Variants in USF3 observed in about 807,000 individuals in gnomAD.
USF3 encodes upstream transcription factor family member 3.
In USF3, 29 loss-of-function variants were observed where a neutral mutation model predicts 157.5. The observed-to-expected ratio is 0.18, with a 90% CI of 0.14 to 0.25. USF3 has a LOEUF of 0.25. USF3 is among the 10% of genes least tolerant of loss of function. The pLI is 1.00. For synonymous variants in USF3, 893 were observed against 941.4 expected (o/e 0.95, Z 0.94); for missense variants, 2,381 against 2,667.6 (o/e 0.89, Z 2.37).
rs774974137 is a variant in USF3, at chr3:113,659,341, T to C, written c.2341A>G (p.Met781Val). The C allele has an allele frequency of 1.5e-5, 24 of 1,614,120 alleles. No individual in the cohort carries two copies. In the Middle Eastern group the frequency reaches 6.6e-4, roughly 44 times the overall value. The change falls in exon 7 of 7, where the codon ATG (methionine) becomes GTG (valine). Residue 781 changes from methionine to valine, a missense_variant. Physicochemically the swap from Met to Val is conservative, Grantham distance 21. Coordinates refer to ENST00000316407, the MANE Select transcript of USF3 (RefSeq NM_001009899.4). ...STYNLVSTSS[M>V]NTVACLPNMK... ...TTAGGCAAACAAGCAACAGTGTTCA[T>C]TGAGGAAGTACTCACTAGATTATAA...
chr3:113,688,526 G>A (rs1170428881), intron 1 of USF3, among the ~76,000 whole-genome samples: 2 of 152,172 alleles, frequency 1.3e-5, no homozygotes, highest in Non-Finnish European at 2.9e-5. Context: ...ACCAGAATTC[G>A]TTTCCAGAGA....
chr3:113,684,204 C>T (rs1707498269), intron 1 of USF3, among the ~76,000 whole-genome samples: 1 of 152,176 alleles, frequency 6.6e-6, no homozygotes, highest in Non-Finnish European at 1.5e-5. Context: ...AAGGTTTCCA[C>T]TGAGAAATCT....
At position 113,651,172 on chromosome 3, in the gene USF3, GATCA is replaced by G. The variant is rs1247593878; in HGVS notation, c.*3768_*3771del. 1.3e-5 allele frequency: 2 copies of G among 152,152 alleles called. No homozygotes were observed. The highest frequency in any genetic ancestry group is 2.9e-5 in the Non-Finnish European group (2 of 68,034). 9.4% of individuals were successfully genotyped at this position (152,152 alleles called of 1,614,324 possible). On this transcript the variant is annotated 3_prime_UTR_variant, in exon 7 of 7. Transcript: ENST00000316407. ...AACCACTTTTTATAACGGACTCTGT[GATCA>G]ATAATGCTAAAAAAGAGACAGAGAA...
rs1947246924 is a variant in USF3 at position 113,650,695 on chromosome 3, A to C, written c.*4249T>G. ...ATGTTAGAAGGCAAGAGCAAGGCAA[A>C]TAAATTATCTTTAAAATACTTAAAT... On this transcript the variant is annotated 3_prime_UTR_variant, in exon 7 of 7. Coordinates refer to ENST00000316407, the MANE Select transcript of USF3 (RefSeq NM_001009899.4). The C allele has an allele frequency of 6.6e-6, 1 of 152,246 alleles. No individual in the cohort carries two copies. Among genetic ancestry groups the C allele is most frequent in the Non-Finnish European group, 1.5e-5 (1 of 68,042 alleles). The allele number at this position is 152,246 out of a possible 1,614,324, so 9.4% of individuals were successfully genotyped here.
At chr3:113,687,755 C>T (rs1292622815) in intron 1 of USF3, among the ~76,000 whole-genome samples, 1 of 152,196 alleles carries the variant, frequency 6.6e-6, no homozygotes, top group African/African-American at 2.4e-5. Context: ...CTCCACTCCT[C>T]ATAGTTCTTT....
In USF3 at chr3:113,648,578, T is replaced by C. The variant is rs534757360; in HGVS notation, c.*6366A>G. On this transcript the variant is annotated 3_prime_UTR_variant, in exon 7 of 7. Transcript: ENST00000316407. The stretch of plus-strand genomic sequence containing the variant: ...AAAAGATGTCAAAATAAACAGGACC[T>C]ATTCTTATTTACAACTGTAGGACAA... 1 of 152,728 alleles carries C rather than the reference T, an allele frequency of 6.5e-6. No individual in the cohort carries two copies. The highest frequency in any genetic ancestry group is 1.5e-5 in the Non-Finnish European group (1 of 68,016). 9.5% of individuals were successfully genotyped at this position (152,728 alleles called of 1,614,324 possible).
chr3:113,676,262 C>T (rs140106448), intron 2 of USF3, among the ~76,000 whole-genome samples: 1 of 152,164 alleles, frequency 6.6e-6, no homozygotes, highest in Admixed American at 6.5e-5. Flanking sequence ...ACTCCCAGTA[C>T]CAATTTACTG....
At chr3:113,694,909 G>C (rs1214680944) in intron 1 of USF3, among the ~76,000 whole-genome samples, 1 of 152,146 alleles carries the variant, frequency 6.6e-6, no homozygotes, top group African/African-American at 2.4e-5. Context: ...AGCTGGGCTG[G>C]TGGCATGCAC....
intron 1 of USF3, among the ~76,000 whole-genome samples, chr3:113,680,048 G>GTTTTATT (rs1330691890): frequency 1.4e-5 from 1 of 70,368 alleles, no homozygotes; most frequent in Non-Finnish European, 3.2e-5. Flanking sequence ...TTGGCCTGTA[G>GTTTTATT]TTTTCTTTTT....
intron 1 of USF3, among the ~76,000 whole-genome samples, chr3:113,679,974 GCT>G (rs1459551602): frequency 6.8e-6 from 1 of 146,718 alleles, no homozygotes; most frequent in East Asian, 2.0e-4. Flanking sequence ...ACAGAGTTTC[GCT>G]CTTTTTGCCC....
At position 113,657,297 on chromosome 3, in the gene USF3, TG is replaced by T. The variant is rs747331094; in HGVS notation, c.4384del (p.Gln1462SerfsTer21). 2 of 1,609,886 alleles carry T rather than the reference TG, an allele frequency of 1.2e-6. No individual in the cohort carries two copies. The highest frequency in any genetic ancestry group is 1.7e-5 in the Admixed American group (1 of 59,386). ...HLHSNHLYIK[Q>X]QQQQQQQQQQ... ...CTGCTGCTGCTGCTGCTGCTGCTGC[TG>T]CTTTATGTAGAGATGGTTACTATGA... On this transcript the variant is annotated frameshift_variant, in exon 7 of 7. Coordinates refer to ENST00000316407, the MANE Select transcript of USF3 (RefSeq NM_001009899.4). LOFTEE classifies it high-confidence loss of function.
chr3:113,664,961 T>G (rs2107931529), intron 5 of USF3, among the ~76,000 whole-genome samples: 1 of 152,330 alleles, frequency 6.6e-6, no homozygotes, highest in South Asian at 2.1e-4. Flanking sequence ...GTGAATTGGC[T>G]GGCACTTGAT....
In USF3 at chr3:113,657,772, T is replaced by A; in HGVS notation, c.3910A>T (p.Thr1304Ser). The A allele has an allele frequency of 1.2e-6, 2 of 1,614,104 alleles. No homozygotes were observed. The highest frequency in any genetic ancestry group is 1.7e-6 in the Non-Finnish European group (2 of 1,180,000). ...ATCTGTGAATTTGGTATGGTACTAG[T>A]CATAGTATTTAGCTGTTCTTGGGAA... ...EYSQEQLNTM[T>S]STIPNSQIQE... The change falls in exon 7 of 7, where the codon ACT becomes TCT. Residue 1304 changes from threonine (T) to serine (S), a missense_variant. Around this residue, in one of 6 missense-constraint regions of USF3, gnomAD observed 1,435 missense variants for 1,550.9 expected, o/e 0.93. Transcript: ENST00000316407.
At chr3:113,662,374 C>T (rs886405668) in intron 6 of USF3, among the ~76,000 whole-genome samples, 2 of 152,138 alleles carry the variant, frequency 1.3e-5, no homozygotes, top group Non-Finnish European at 2.9e-5. Flanking sequence ...CCTATGAGTA[C>T]CACTAATGGG....
chr3:113,659,125 C>G lies in USF3; in HGVS notation c.2557G>C (p.Val853Leu). 2.5e-6 allele frequency: 4 copies of G among 1,614,186 alleles called. No homozygotes were observed. Among genetic ancestry groups the G allele is most frequent in the Non-Finnish European group, 2.5e-6 (3 of 1,180,044 alleles). Residue 853 changes from valine to leucine, a missense_variant, in exon 7 of 7, where the codon GTG (valine) becomes CTG (leucine). Val to Leu is a conservative substitution (Grantham distance 32). This residue lies in a region of USF3 where 1,435 missense variants were observed against 1,550.9 expected (regional missense o/e 0.93). Coordinates refer to ENST00000316407, the MANE Select transcript of USF3 (RefSeq NM_001009899.4). ...ACACTCACACTATTTGCCTGAGACA[C>G]AGAGACAGATGGTAACACAGCAGGG... ...SFPAVLPSVSVSQANSVSVSA... is the reference protein window; with the variant it reads ...SFPAVLPSVSLSQANSVSVSA...
Position 113,657,535 on chromosome 3 carries a change from A to T in USF3, c.4147T>A (p.Ser1383Thr), listed in dbSNP as rs756525891. The T allele has an allele frequency of 3.1e-6, 5 of 1,613,972 alleles. No homozygotes were observed. Among genetic ancestry groups the T allele is most frequent in the African/African-American group, 1.3e-5 (1 of 74,870 alleles). The change falls in exon 7 of 7, where the codon TCA becomes ACA. Residue 1383 changes from serine (S) to threonine (T), a missense_variant. Transcript: ENST00000316407. Reference protein sequence around the residue: ...MMVSQIPPNSSNSVVPVSNPA... With the variant: ...MMVSQIPPNSTNSVVPVSNPA... ...TTGCTAACAGGCACAACTGAGTTTG[A>T]AGAATTAGGAGGGATCTGACTGACC... is the stretch of plus-strand genomic sequence containing the variant.
chr3:113,657,362 G>A lies in USF3; in HGVS notation c.4320C>T (p.Ala1440=). 1 of 1,614,022 alleles carries A rather than the reference G, an allele frequency of 6.2e-7. No individual in the cohort carries two copies. Among genetic ancestry groups the A allele is most frequent in the Non-Finnish European group, 8.5e-7 (1 of 1,180,014 alleles). The change falls in exon 7 of 7, where the codon GCC becomes GCT. Residue 1440 remains alanine, a synonymous_variant. Transcript: ENST00000316407. ...CTTGAGCTGGAACATGCTGCTGCAG[G>A]GCCTGTAGATGCTGACTTGCCTGGG... ...QQTQASQHLQ[A]LQQHVPAQGV...
Position 113,660,618 on chromosome 3 carries a change from G to A in USF3, c.1064C>T (p.Ser355Phe). 6.2e-7 allele frequency: 1 copy of A among 1,614,204 alleles called. No homozygotes were observed. Among genetic ancestry groups the A allele is most frequent in the Non-Finnish European group, 8.5e-7 (1 of 1,180,020 alleles). Residue 355 changes from serine to phenylalanine, a missense_variant, in exon 7 of 7, where the codon TCT becomes TTT. Ser to Phe is a radical substitution (Grantham distance 155, BLOSUM62 -2). Around this residue, in one of 6 missense-constraint regions of USF3, gnomAD observed 1,435 missense variants for 1,550.9 expected, o/e 0.93. Coordinates refer to ENST00000316407, the MANE Select transcript of USF3 (RefSeq NM_001009899.4). ...TGCACTCTTACTAATGCTCATTGGA[G>A]AAGAATCACCTGCAGTTCTGGGAGG... is the stretch of plus-strand genomic sequence containing the variant. ...SQPPRTAGDS[S>F]PMSISKSADL...
At chr3:113,682,781 T>C (rs775328980) in intron 1 of USF3, among the ~76,000 whole-genome samples, 1 of 152,184 alleles carries the variant, frequency 6.6e-6, no homozygotes, top group Non-Finnish European at 1.5e-5. Context: ...TTGCTTTTAT[T>C]TTGGTTTCCA....
Sources: allele counts gnomAD v4.1 joint callset (sites outside exome capture counted in the v4.1 genomes callset), GRCh38; gene constraint gnomAD v4.1.1; regional missense constraint gnomAD v4.1.1; transcripts MANE v1.5; gene names NCBI Gene and HGNC (gene_info 2026-07-23, HGNC 2026-07-21).